The following SPATA13 variants were observed in gnomAD, a reference collection of about 807,000 sequenced individuals.
SPATA13 encodes the protein spermatogenesis-associated protein 13.
A neutral mutation model predicts 104.0 loss-of-function variants in SPATA13; 50 were observed. The ratio of observed to expected loss-of-function variants is 0.48; its 90% CI spans 0.38 to 0.61. The LOEUF (loss-of-function observed/expected upper bound fraction) is 0.61. Among genes scored for constraint, SPATA13 ranks in the 20% least tolerant of loss-of-function variants. The probability of loss-of-function intolerance (pLI) is 0.00; values close to 1 mark genes in which losing one functional copy is unlikely to be tolerated. For synonymous variants in SPATA13, 606 were observed against 667.5 expected (o/e 0.91, Z 1.42); for missense variants, 1,524 against 1,690.6 (o/e 0.90, Z 1.73).
chr13:24,128,721 A>C (rs545743197), intron 3 of SPATA13, among the ~76,000 whole-genome samples: 65 of 103,804 alleles, frequency 6.3e-4, no homozygotes, highest in Admixed American at 2.1e-3. Context: ...ACATAAAAAA[A>C]GTCCTACCTT....
At chr13:24,092,467 A>G (rs185566824) in intron 3 of SPATA13, among the ~76,000 whole-genome samples, 399 of 152,350 alleles carry the variant, frequency 2.6e-3, no homozygotes, top group African/African-American at 9.0e-3. Context: ...TAGAAGCAGA[A>G]GAGTTAATAG....
intron 1 of SPATA13, among the ~76,000 whole-genome samples, chr13:24,222,129 C>G (rs1401081479): frequency 6.6e-6 from 1 of 152,192 alleles, no homozygotes; most frequent in Non-Finnish European, 1.5e-5. Flanking sequence ...TTCTAATATA[C>G]TTCAGCAGCA....
At chr13:24,117,491 G>T (rs961018279) in intron 3 of SPATA13, among the ~76,000 whole-genome samples, 2 of 152,114 alleles carry the variant, frequency 1.3e-5, no homozygotes, top group Non-Finnish European at 2.9e-5. Context: ...ATATATTTCT[G>T]TATGACTTTA....
chr13:24,199,437 C>T (rs1465077808), intron 1 of SPATA13, among the ~76,000 whole-genome samples: 1 of 152,152 alleles, frequency 6.6e-6, no homozygotes, highest in African/African-American at 2.4e-5. Flanking sequence ...AACTTCTGAT[C>T]CTTCTTCCAT....
intron 1 of SPATA13, among the ~76,000 whole-genome samples, chr13:24,191,842 A>T (rs1383368589): frequency 6.6e-6 from 1 of 152,122 alleles, no homozygotes; most frequent in African/African-American, 2.4e-5. Flanking sequence ...CATCTCCTGC[A>T]TACCTCATCA....
At chr13:24,104,185 G>A (rs1033325382) in intron 3 of SPATA13, among the ~76,000 whole-genome samples, 6 of 152,078 alleles carry the variant, frequency 3.9e-5, no homozygotes, top group African/African-American at 1.4e-4. Flanking sequence ...AGTAAGGAAA[G>A]GTCACGGTGG....
chr13:24,150,906 T>C (rs1249950806), intron 3 of SPATA13, among the ~76,000 whole-genome samples: 2 of 152,240 alleles, frequency 1.3e-5, no homozygotes, highest in East Asian at 3.9e-4. Context: ...GCTGTTTAGA[T>C]GTGTTTGCTG....
chr13:24,180,469 A>C (rs913341010), intron 1 of SPATA13, among the ~76,000 whole-genome samples: 2 of 152,194 alleles, frequency 1.3e-5, no homozygotes, highest in African/African-American at 4.8e-5. Context: ...TGTTTAGGCT[A>C]TTCTGATTCC....
intron 1 of SPATA13, among the ~76,000 whole-genome samples, chr13:24,216,866 C>G (rs1488780454): frequency 6.6e-6 from 1 of 152,092 alleles, no homozygotes; most frequent in African/African-American, 2.4e-5. Context: ...ACCTGGCCAA[C>G]ATAGTGAAAC....
At chr13:24,255,097 G>A (rs74636852) in intron 4 of SPATA13, among the ~76,000 whole-genome samples, 2,924 of 152,264 alleles carry the variant, frequency 0.019, 37 homozygotes, top group South Asian at 0.028. Flanking sequence ...CCAGGAGTGC[G>A]CACGAGCTAA....
intron 2 of SPATA13, among the ~76,000 whole-genome samples, chr13:24,238,009 T>A (rs1872656313): frequency 6.8e-6 from 1 of 148,058 alleles, no homozygotes. Flanking sequence ...TATATAAATA[T>A]ATATATTTTA....
chr13:24,103,638 A>G (rs1262327112), intron 3 of SPATA13, among the ~76,000 whole-genome samples: 5 of 152,212 alleles, frequency 3.3e-5, no homozygotes, highest in Non-Finnish European at 7.3e-5. Context: ...CTGTCTATAT[A>G]TAATTACACA....
At position 24,154,152 on chromosome 13, in the gene SPATA13, A is replaced by G. The variant is rs376845707; in HGVS notation, c.-111-68667A>G. Among the ~76,000 whole-genome samples the G allele has an allele frequency of 3.2e-4, 49 of 152,300 alleles. 1 individual carries two copies. The East Asian group carries it at 4.2e-3, about 13-fold the overall frequency. On this transcript the variant is annotated intron_variant, in intron 3 of 14. Coordinates refer to the SPATA13 transcript ENST00000424834. ...AAAAAAAAAGCTTGGCCGTAGCTAC[A>G]GAAGGTAAACATATGCACACCTGAT... is the stretch of plus-strand genomic sequence containing the variant.
chr13:24,099,496 G>A (rs1880188267), intron 3 of SPATA13, among the ~76,000 whole-genome samples: 1 of 152,220 alleles, frequency 6.6e-6, no homozygotes, highest in Non-Finnish European at 1.5e-5. Flanking sequence ...TGCAGACATG[G>A]GGCATTTTCT....
intron 2 of SPATA13, among the ~76,000 whole-genome samples, chr13:24,017,509 A>G (rs541844447): frequency 3.3e-5 from 5 of 152,196 alleles, no homozygotes; most frequent in Non-Finnish European, 5.9e-5. Flanking sequence ...GTATGTGTAT[A>G]TATGTATATG....
chr13:24,189,936 A>ATATAT (rs1869496531), intron 1 of SPATA13, among the ~76,000 whole-genome samples: 1 of 52,082 alleles, frequency 1.9e-5, no homozygotes, highest in East Asian at 7.8e-4. Flanking sequence ...TAATTATATA[A>ATATAT]TATATTACAT....
At chr13:24,229,418 G>A (rs371891190) in intron 2 of SPATA13, among the ~76,000 whole-genome samples, 1 of 152,134 alleles carries the variant, frequency 6.6e-6, no homozygotes, top group Non-Finnish European at 1.5e-5. Context: ...TTCTCCTGCC[G>A]TGGGTCTTCT....
intron 3 of SPATA13, among the ~76,000 whole-genome samples, chr13:24,061,518 C>G (rs1166986719): frequency 6.6e-6 from 1 of 152,172 alleles, no homozygotes; most frequent in African/African-American, 2.4e-5. Context: ...AACATATGCA[C>G]CATGGAATAC....
chr13:24,071,579 A>G (rs989173639), intron 3 of SPATA13, among the ~76,000 whole-genome samples: 1 of 152,080 alleles, frequency 6.6e-6, no homozygotes, highest in African/African-American at 2.4e-5. Context: ...CAGAGATGTG[A>G]CCTCTGGTCT....
Sources: gnomAD v4.1 joint callset for allele counts (sites outside exome capture counted in the v4.1 genomes callset) on GRCh38, gnomAD v4.1.1 for gene constraint, MANE v1.5 for transcripts, NCBI Gene and HGNC (gene_info 2026-07-23, HGNC 2026-07-21) for gene names.